OXA1L: variants seen among roughly 807,000 people sequenced by gnomAD.
The protein encoded by OXA1L is mitochondrial inner membrane protein OXA1L.
In OXA1L, 42 loss-of-function variants were observed where a neutral mutation model predicts 52.2. That is an observed-to-expected ratio of 0.80 (90% CI 0.63 to 1.04). The LOEUF (loss-of-function observed/expected upper bound fraction) is 1.04, where lower values mean the gene tolerates loss of function less well. Among genes scored for constraint, OXA1L ranks in the 50% least tolerant of loss-of-function variants. The pLI, the probability that OXA1L is intolerant of heterozygous loss-of-function variation, is 0.00. For synonymous variants in OXA1L, 239 were observed against 201.9 expected, an observed-to-expected ratio of 1.18 and a Z score of -1.56; for missense variants, 572 against 555.0, an observed-to-expected ratio of 1.03 and a Z score of -0.31.
At chr14:22,768,783 A>G (rs1772806638) in intron 3 of OXA1L, 1 of 154,108 alleles carries the variant, frequency 6.5e-6, no homozygotes, top group South Asian at 2.0e-4. Flanking sequence ...TAGTAGGTGT[A>G]TATATTTATG....
At position 22,768,104 on chromosome 14, in the gene OXA1L, G is replaced by C; in HGVS notation, c.372G>C (p.Leu124=). The C allele has an allele frequency of 6.2e-7, 1 of 1,614,190 alleles. No individual in the cohort carries two copies. Among genetic ancestry groups the C allele is most frequent in the Non-Finnish European group, 8.5e-7 (1 of 1,180,016 alleles). Residue 124 remains leucine, a synonymous_variant, in exon 3 of 10, where the codon CTG becomes CTC. Transcript: ENST00000612549. ...LGLGSYTPVG[L]IQNLLEFMHV... ...TGGGGTCATACACCCCAGTGGGACT[G>C]ATCCAGAATTTACTGGAATTTATGC...
In OXA1L at chr14:22,770,214, T is replaced by C; in HGVS notation, c.605T>C (p.Met202Thr). ...HIEYYKASSEMALYQKKHGIK... is the reference protein window; with the variant it reads ...HIEYYKASSETALYQKKHGIK... ...ACAGATTACAAGGCTTCCTCGGAGA[T>C]GGCACTTTACCAGAAAAAACATGGT... The change falls in exon 5 of 10, where the codon ATG (methionine) becomes ACG (threonine). Residue 202 changes from methionine to threonine, a missense_variant. Coordinates refer to ENST00000612549, the MANE Select transcript of OXA1L (RefSeq NM_005015.5). The C allele has an allele frequency of 6.2e-7, 1 of 1,611,928 alleles. No individual in the cohort carries two copies. Among genetic ancestry groups the C allele is most frequent in the South Asian group, 1.1e-5 (1 of 91,030 alleles).
intron 1 of OXA1L, 89 bp downstream of exon 1, chr14:22,766,853 A>G: frequency 6.3e-7 from 1 of 1,576,614 alleles, no homozygotes; most frequent in Non-Finnish European, 8.6e-7. Flanking sequence ...GTATCAGCAG[A>G]CGCTGACCTG....
At chr14:22,767,760 T>A (rs1452281496) in intron 2 of OXA1L, 198 bp from the exon 3 acceptor site, 1 of 530,142 alleles carries the variant, frequency 1.9e-6, no homozygotes, top group African/African-American at 1.9e-5. Context: ...TCATGGATTC[T>A]TACTCAAAGT....
At chr14:22,766,941 C>T in intron 1 of OXA1L, 177 bp downstream of exon 1, 1 of 1,513,868 alleles carries the variant, frequency 6.6e-7, no homozygotes. Context: ...ATGGGCCCAG[C>T]AGCCCGGTGT....
Position 22,771,759 on chromosome 14 carries a change from CAG to C in OXA1L, c.*204_*205del, listed in dbSNP as rs1175469790. ...GGTAGCCAAGTGATCTTCCCATTCA[CAG>C]AGTTAGTAAACCTCTGTACTACATG... On this transcript the variant is annotated 3_prime_UTR_variant, in exon 10 of 10. Coordinates refer to ENST00000612549, the MANE Select transcript of OXA1L (RefSeq NM_005015.5). 8 of 605,056 alleles carry C rather than the reference CAG, an allele frequency of 1.3e-5. No individual in the cohort carries two copies. The highest frequency in any genetic ancestry group is 7.4e-5 in the African/African-American group (4 of 54,068). 37.5% of individuals were successfully genotyped at this position (605,056 alleles called of 1,614,324 possible). A position where few individuals can be genotyped will look rare whatever the true frequency, so the allele number is the denominator to read the frequency against.
chr14:22,768,476 G>A, intron 3 of OXA1L: 1 of 360,618 alleles, frequency 2.8e-6, no homozygotes, highest in Non-Finnish European at 5.3e-6. Flanking sequence ...TTCAGGTCAG[G>A]CACTTAAACC....
intron 4 of OXA1L, 53 bp from the exon 5 acceptor site, chr14:22,770,140 A>G: frequency 1.4e-6 from 2 of 1,390,040 alleles, no homozygotes; most frequent in South Asian, 2.3e-5. Flanking sequence ...GAGGATGTTC[A>G]CCTCCACTGA....
intron 5 of OXA1L, 31 bp from the exon 6 acceptor site, chr14:22,770,430 G>A (rs1334016724): frequency 6.2e-7 from 1 of 1,606,746 alleles, no homozygotes; most frequent in South Asian, 1.1e-5. Context: ...CTCTGGTAAA[G>A]CATGCTGACA....
Position 22,771,321 on chromosome 14 carries a change from C to T in OXA1L, c.1156C>T (p.Arg386Trp), listed in dbSNP as rs201917650. The change falls in exon 9 of 10, where the codon CGG (arginine) becomes TGG (tryptophan). Residue 386 changes from arginine (R) to tryptophan (W), a missense_variant. This residue lies in a region of OXA1L where 244 missense variants were observed against 240.2 expected (regional missense o/e 1.02). Transcript: ENST00000612549. ...GCTGCGAGAGCGTGAACAACGCATG[C>T]GGAATCAGTTGGAGCTAGCAGCCAG... ...RQLREREQRM[R>W]NQLELAARGP... 9.9e-5 allele frequency: 159 copies of T among 1,614,128 alleles called. No homozygotes were observed. In the East Asian group the frequency reaches 1.2e-3, roughly 13 times the overall value.
intron 2 of OXA1L, chr14:22,767,612 T>C (rs1202075475): frequency 5.5e-6 from 3 of 540,970 alleles, no homozygotes; most frequent in Non-Finnish European, 3.2e-6. Flanking sequence ...AGAGATGTTA[T>C]ATTTGGTTTT....
Position 22,771,563 on chromosome 14 carries a change from T to C in OXA1L, c.*5T>C, listed in dbSNP as rs540266205. On this transcript the variant is annotated 3_prime_UTR_variant, in exon 10 of 10. Coordinates refer to ENST00000612549, the MANE Select transcript of OXA1L (RefSeq NM_005015.5). ...TGGCACGACACACTTGGCTGACTTA[T>C]GTTCTGTGCGCATTCTGGCAGGAAT... is the stretch of plus-strand genomic sequence containing the variant. 1.0e-4 allele frequency: 162 copies of C among 1,614,248 alleles called. 2 individuals carry two copies. In the South Asian group the frequency reaches 1.4e-3, roughly 14 times the overall value.
Position 22,769,798 on chromosome 14 carries a change from C to A in OXA1L, c.447C>A (p.Val149=). The A allele has an allele frequency of 6.2e-7, 1 of 1,614,204 alleles. No homozygotes were observed. Among genetic ancestry groups the A allele is most frequent in the Non-Finnish European group, 8.5e-7 (1 of 1,180,032 alleles). ...PWWGAIAACT[V]FARCLIFPLI... ...CTAGTTTGTATTTTCCAGGTACAGT[C>A]TTTGCCCGCTGCCTGATTTTTCCTC... Residue 149 remains valine (V), a synonymous_variant, in exon 4 of 10, where the codon GTC becomes GTA. Coordinates refer to ENST00000612549, the MANE Select transcript of OXA1L (RefSeq NM_005015.5).
intron 3 of OXA1L, among the ~76,000 whole-genome samples, chr14:22,769,587 C>G (rs940246946): frequency 3.9e-5 from 6 of 152,174 alleles, no homozygotes; most frequent in African/African-American, 1.4e-4. Context: ...GAAGTTAATG[C>G]CATACTTTTG....
At chr14:22,767,438 A>G in intron 2 of OXA1L, 29 bp downstream of exon 2, 1 of 1,566,388 alleles carries the variant, frequency 6.4e-7, no homozygotes, top group Non-Finnish European at 8.6e-7. Context: ...CTGCAATATT[A>G]GGAGTGGTGT....
intron 5 of OXA1L, 79 bp downstream of exon 5, chr14:22,770,357 C>T: frequency 1.3e-6 from 2 of 1,531,952 alleles, no homozygotes; most frequent in African/African-American, 1.4e-5. Flanking sequence ...TCCCAGGTCC[C>T]CCAAAAAACA....
chr14:22,770,644 A>T lies in OXA1L; in HGVS notation c.834+19A>T. 6.2e-7 allele frequency: 1 copy of T among 1,606,378 alleles called. No individual in the cohort carries two copies. Among genetic ancestry groups the T allele is most frequent in the South Asian group, 1.1e-5 (1 of 90,974 alleles). On this transcript the variant is annotated intron_variant, in intron 6 of 9. Coordinates refer to ENST00000612549, the MANE Select transcript of OXA1L (RefSeq NM_005015.5). The stretch of plus-strand genomic sequence containing the variant: ...TCTTGAGGTAAGCCCAGATTGGCCA[A>T]GTGCCAGGCCTGCAAAGTGAACTGG...
intron 3 of OXA1L, among the ~76,000 whole-genome samples, chr14:22,769,443 T>C (rs1813902865): frequency 6.6e-6 from 1 of 152,214 alleles, no homozygotes; most frequent in Non-Finnish European, 1.5e-5. Context: ...CCTACTTCTT[T>C]CCATTTACTC....
chr14:22,771,582 C>T lies in OXA1L; in HGVS notation c.*24C>T, dbSNP rs762916878. On this transcript the variant is annotated 3_prime_UTR_variant, in exon 10 of 10. Transcript: ENST00000612549. ...GACTTATGTTCTGTGCGCATTCTGG[C>T]AGGAATTCTGTCTCTTCAGAGACTC... The T allele has an allele frequency of 5.0e-6, 8 of 1,613,470 alleles. No homozygotes were observed. In the South Asian group the frequency reaches 8.8e-5, roughly 18 times the overall value.
Sources: allele counts gnomAD v4.1 joint callset (sites outside exome capture counted in the v4.1 genomes callset), GRCh38; gene constraint gnomAD v4.1.1; regional missense constraint gnomAD v4.1.1; transcripts MANE v1.5; gene names NCBI Gene and HGNC (gene_info 2026-07-23, HGNC 2026-07-21).